The following GBE1 variants were observed in gnomAD, a reference collection of about 807,000 sequenced individuals.
GBE1 encodes the protein 1,4-alpha-glucan-branching enzyme.
Under a neutral mutation model 88.8 loss-of-function variants are expected in GBE1, and 70 were observed. The ratio of observed to expected loss-of-function variants is 0.79; its 90% CI spans 0.65 to 0.96. The LOEUF (loss-of-function observed/expected upper bound fraction) is 0.96, where lower values mean the gene tolerates loss of function less well. Ranked by LOEUF, GBE1 falls within the 40% of genes least tolerant of loss-of-function variation. The probability of loss-of-function intolerance (pLI) is 0.00; values close to 1 mark genes in which losing one functional copy is unlikely to be tolerated. For synonymous variants in GBE1, 284 were observed against 300.1 expected (o/e 0.95, Z 0.56); for missense variants, 872 against 871.0 (o/e 1.00, Z -0.01).
At chr3:81,523,859 G>A (rs1298420668) in intron 14 of GBE1, among the ~76,000 whole-genome samples, 15 of 151,594 alleles carry the variant, frequency 9.9e-5, no homozygotes, top group Non-Finnish European at 1.0e-4. Flanking sequence ...ATAGTATTCC[G>A]TTGTGTATAT....
chr3:81,566,559 C>T (rs1467794528), intron 12 of GBE1, among the ~76,000 whole-genome samples: 10 of 152,150 alleles, frequency 6.6e-5, no homozygotes, highest in African/African-American at 1.4e-4. Flanking sequence ...AAATATCTAA[C>T]GAACATGCAA....
intron 1 of GBE1, among the ~76,000 whole-genome samples, chr3:81,757,951 G>A (rs1018522615): frequency 6.6e-6 from 1 of 151,998 alleles, no homozygotes; most frequent in South Asian, 2.1e-4. Flanking sequence ...TACATTAAAT[G>A]GTCAAAAAGA....
chr3:81,737,522 C>A (rs1398978167), intron 1 of GBE1, among the ~76,000 whole-genome samples: 1 of 149,432 alleles, frequency 6.7e-6, no homozygotes, highest in Admixed American at 6.7e-5. Flanking sequence ...ACTGCTGAGT[C>A]GCCAACTGTT....
At chr3:81,604,909 A>C (rs527447048) in intron 7 of GBE1, among the ~76,000 whole-genome samples, 7 of 152,272 alleles carry the variant, frequency 4.6e-5, no homozygotes, top group African/African-American at 1.4e-4. Context: ...AAGTAAAATC[A>C]TTAAATTCTT....
At chr3:81,510,073 C>A (rs1377671157) in intron 14 of GBE1, among the ~76,000 whole-genome samples, 1 of 152,024 alleles carries the variant, frequency 6.6e-6, no homozygotes, top group African/African-American at 2.4e-5. Context: ...AACTCAAAGA[C>A]TTTCCATATC....
At chr3:81,627,480 G>A (rs1430341859) in intron 7 of GBE1, among the ~76,000 whole-genome samples, 1 of 152,074 alleles carries the variant, frequency 6.6e-6, no homozygotes, top group African/African-American at 2.4e-5. Context: ...TCACATGGAA[G>A]AGAACAAAGA....
rs1317725009 is a variant in GBE1, at chr3:81,620,428, C to T, written c.992+22353G>A. Among the ~76,000 whole-genome samples, 6 of 152,002 alleles carry T rather than the reference C, an allele frequency of 3.9e-5. No individual in the cohort carries two copies. The East Asian group carries it at 5.8e-4, about 15-fold the overall frequency. The stretch of plus-strand genomic sequence containing the variant: ...TGAACTCCTGACCTCGTAATCCGCC[C>T]GCCTCGGCCTCCCAAGACATGGAAA... On this transcript the variant is annotated intron_variant, in intron 7 of 15. Transcript: ENST00000429644.
At chr3:81,712,119 T>C (rs1705876668) in intron 1 of GBE1, among the ~76,000 whole-genome samples, 1 of 152,148 alleles carries the variant, frequency 6.6e-6, no homozygotes, top group Non-Finnish European at 1.5e-5. Context: ...CTCACACCAG[T>C]TACAATGGCG....
chr3:81,700,612 CATGTTG>C (rs1705673181), intron 2 of GBE1, among the ~76,000 whole-genome samples: 1 of 151,992 alleles, frequency 6.6e-6, no homozygotes, highest in Non-Finnish European at 1.5e-5. Flanking sequence ...CCACAGAGCA[CATGTTG>C]AGTAGCACGG....
chr3:81,591,198 G>A lies in GBE1; in HGVS notation c.1109-34C>T, dbSNP rs551648539. ...AAGAAAATCAATACGGATATATTAT[G>A]TTAACAAGCAAGTCTTAACTCTGCA... On this transcript the variant is annotated intron_variant, in intron 8 of 15. Coordinates refer to ENST00000429644, the MANE Select transcript of GBE1 (RefSeq NM_000158.4). 9.1e-6 allele frequency: 14 copies of A among 1,536,122 alleles called. No homozygotes were observed. The African/African-American group carries it at 1.9e-4, about 21-fold the overall frequency.
intron 1 of GBE1, among the ~76,000 whole-genome samples, chr3:81,730,720 C>T (rs938468883): frequency 6.6e-5 from 10 of 152,162 alleles, no homozygotes; most frequent in Middle Eastern, 3.4e-3. Flanking sequence ...AAAACACAGC[C>T]GAAGACTGAG....
intron 14 of GBE1, among the ~76,000 whole-genome samples, chr3:81,523,058 C>T (rs905244513): frequency 1.1e-4 from 17 of 151,328 alleles, no homozygotes; most frequent in Admixed American, 2.6e-4. Context: ...TTTTCAAAAC[C>T]GAACCAGGCT....
chr3:81,564,949 G>T (rs1703472131), intron 12 of GBE1, among the ~76,000 whole-genome samples: 1 of 152,110 alleles, frequency 6.6e-6, no homozygotes, highest in Non-Finnish European at 1.5e-5. Context: ...TGTCTCAAAT[G>T]GTTGGGGTCA....
chr3:81,612,448 C>G, intron 7 of GBE1: 1 of 981,298 alleles, frequency 1.0e-6, no homozygotes, highest in Non-Finnish European at 1.6e-6. Context: ...AAAAATCTAT[C>G]CTGTAACCTG....
chr3:81,530,796 C>T (rs558037627), intron 14 of GBE1, among the ~76,000 whole-genome samples: 13 of 151,948 alleles, frequency 8.6e-5, no homozygotes, highest in Non-Finnish European at 1.0e-4. Flanking sequence ...TAGTCCTCAC[C>T]GAAAGTCTCT....
intron 10 of GBE1, among the ~76,000 whole-genome samples, chr3:81,582,327 T>G (rs566963410): frequency 6.6e-6 from 1 of 152,116 alleles, no homozygotes; most frequent in African/African-American, 2.4e-5. Context: ...GATGCTATAC[T>G]GCTGCTTTGA....
At chr3:81,597,720 G>A (rs957644986) in intron 7 of GBE1, among the ~76,000 whole-genome samples, 1 of 151,462 alleles carries the variant, frequency 6.6e-6, no homozygotes, top group East Asian at 1.9e-4. Context: ...ACTTTCTTTT[G>A]AATCATAAAC....
At chr3:81,731,700 G>A (rs1245885449) in intron 1 of GBE1, among the ~76,000 whole-genome samples, 1 of 152,042 alleles carries the variant, frequency 6.6e-6, no homozygotes. Flanking sequence ...TTAAAAGTGT[G>A]TAATACTTCT....
intron 12 of GBE1, among the ~76,000 whole-genome samples, chr3:81,560,266 G>A (rs1253570498): frequency 6.6e-6 from 1 of 151,914 alleles, no homozygotes; most frequent in Non-Finnish European, 1.5e-5. Flanking sequence ...CAAATGTGGA[G>A]AAAGTCATAG....
Sources: allele counts gnomAD v4.1 joint callset (sites outside exome capture counted in the v4.1 genomes callset), GRCh38; gene constraint gnomAD v4.1.1; transcripts MANE v1.5; gene names NCBI Gene and HGNC (gene_info 2026-07-23, HGNC 2026-07-21).